Variants in DOCK3 observed in about 807,000 individuals in gnomAD.
DOCK3 encodes dedicator of cytokinesis protein 3.
DOCK3 carries 60 observed loss-of-function variants against 265.6 expected under a neutral mutation model. The ratio of observed to expected loss-of-function variants is 0.23; its 90% CI spans 0.18 to 0.28. DOCK3 has a LOEUF of 0.28. DOCK3 is among the 10% of genes least tolerant of loss of function. DOCK3 has a pLI of 1.00. For synonymous variants in DOCK3, 881 were observed against 938.0 expected, an observed-to-expected ratio of 0.94 and a Z score of 1.11; for missense variants, 1,981 against 2,594.3, an observed-to-expected ratio of 0.76 and a Z score of 5.14.
chr3:51,006,690 T>C (rs1317935240), intron 5 of DOCK3, among the ~76,000 whole-genome samples: 1 of 152,186 alleles, frequency 6.6e-6, no homozygotes, highest in South Asian at 2.1e-4. Context: ...TTGTTACATA[T>C]GTATACATGT....
intron 5 of DOCK3, among the ~76,000 whole-genome samples, chr3:51,024,679 CT>C (rs1468925537): frequency 6.6e-6 from 1 of 152,166 alleles, no homozygotes; most frequent in African/African-American, 2.4e-5. Context: ...GTGATTCTGC[CT>C]TTTGTGCAAG....
At chr3:50,911,769 T>C (rs1259509788) in intron 4 of DOCK3, among the ~76,000 whole-genome samples, 1 of 152,094 alleles carries the variant, frequency 6.6e-6, no homozygotes, top group African/African-American at 2.4e-5. Flanking sequence ...TTTGGTAGTT[T>C]GGTCATTTTC....
chr3:51,314,547 T>A (rs2083262651), intron 31 of DOCK3, among the ~76,000 whole-genome samples: 1 of 152,214 alleles, frequency 6.6e-6, no homozygotes, highest in Non-Finnish European at 1.5e-5. Context: ...CACTTAAATG[T>A]CTCTGGGCTA....
chr3:51,276,688 T>C (rs758656221), intron 25 of DOCK3, among the ~76,000 whole-genome samples: 1 of 152,122 alleles, frequency 6.6e-6, no homozygotes, highest in Non-Finnish European at 1.5e-5. Context: ...AGAGATATTA[T>C]CTCTCGTTCA....
At chr3:51,039,833 A>G (rs2080409587) in intron 5 of DOCK3, among the ~76,000 whole-genome samples, 2 of 149,256 alleles carry the variant, frequency 1.3e-5, no homozygotes, top group South Asian at 4.2e-4. Flanking sequence ...AATTCTGAAT[A>G]GAAATGTAAT....
chr3:51,165,629 C>A (rs1323669693), intron 12 of DOCK3, among the ~76,000 whole-genome samples: 1 of 152,118 alleles, frequency 6.6e-6, no homozygotes. Context: ...CTGGCAACCA[C>A]CGTTCTACTC....
chr3:51,051,641 G>C (rs1454792510), intron 5 of DOCK3, among the ~76,000 whole-genome samples: 3 of 152,174 alleles, frequency 2.0e-5, no homozygotes, highest in Non-Finnish European at 1.5e-5. Flanking sequence ...TGACTCTAAA[G>C]CCAATACCCT....
chr3:50,868,149 C>CT, intron 3 of DOCK3, among the ~76,000 whole-genome samples: 1 of 151,792 alleles, frequency 6.6e-6, no homozygotes, highest in Non-Finnish European at 1.5e-5. Context: ...TCTTGGCTCA[C>CT]TACAACCTCC....
chr3:50,878,236 A>G (rs2047815572), intron 3 of DOCK3, among the ~76,000 whole-genome samples: 1 of 152,230 alleles, frequency 6.6e-6, no homozygotes, highest in South Asian at 2.1e-4. Context: ...AGAGGAATGC[A>G]GCTCCTCGCC....
intron 23 of DOCK3, among the ~76,000 whole-genome samples, chr3:51,267,086 A>G (rs2080219610): frequency 6.6e-6 from 1 of 152,238 alleles, no homozygotes; most frequent in Admixed American, 6.5e-5. Flanking sequence ...ATCACTGGTC[A>G]TTAGAGAAAT....
intron 12 of DOCK3, among the ~76,000 whole-genome samples, chr3:51,190,784 G>C (rs1392745893): frequency 1.3e-5 from 2 of 152,108 alleles, no homozygotes; most frequent in Non-Finnish European, 1.5e-5. Flanking sequence ...TACCAGGGTG[G>C]GTGGAGGGAC....
intron 23 of DOCK3, 136 bp downstream of exon 23, chr3:51,260,462 T>TA: frequency 9.3e-7 from 1 of 1,074,584 alleles, no homozygotes; most frequent in Non-Finnish European, 1.3e-6. Context: ...TACAAGGAAA[T>TA]ACCTGATACA....
intron 5 of DOCK3, among the ~76,000 whole-genome samples, chr3:50,997,080 A>G (rs369543594): frequency 4.8e-4 from 73 of 152,280 alleles, no homozygotes; most frequent in African/African-American, 1.7e-3. Flanking sequence ...TTTTGTGTTT[A>G]TAATTCAGCC....
chr3:51,227,165 A>T, intron 15 of DOCK3, 118 bp from the exon 16 acceptor site: 1 of 1,126,798 alleles, frequency 8.9e-7, no homozygotes, highest in South Asian at 1.5e-5. Context: ...TATCTCATAG[A>T]TTTTGCTTAG....
chr3:51,036,227 G>T (rs534237583), intron 5 of DOCK3, among the ~76,000 whole-genome samples: 2 of 152,102 alleles, frequency 1.3e-5, no homozygotes, highest in East Asian at 1.9e-4. Context: ...TTTATAGGAG[G>T]ATCAATTTGC....
chr3:50,795,628 C>A (rs1022493356), intron 2 of DOCK3, among the ~76,000 whole-genome samples: 1 of 152,078 alleles, frequency 6.6e-6, no homozygotes, highest in Non-Finnish European at 1.5e-5. Context: ...GATCTGCCTG[C>A]CTTGGCCTCT....
intron 5 of DOCK3, among the ~76,000 whole-genome samples, chr3:51,031,584 G>A (rs916149004): frequency 5.9e-5 from 9 of 152,138 alleles, no homozygotes; most frequent in African/African-American, 2.2e-4. Flanking sequence ...GAAAGAACCA[G>A]CAATAATGTT....
rs3074621 is a variant in DOCK3 at position 51,326,059 on chromosome 3, TAAA to T, written c.3403-4068_3403-4066del. Among the ~76,000 whole-genome samples, 23 of 146,390 alleles carry T rather than the reference TAAA, an allele frequency of 1.6e-4. No homozygotes were observed. The East Asian group carries it at 2.4e-3, about 15-fold the overall frequency. ...ACATGTACCCCAGAACCTAAAGTAT[TAAA>T]AAAAAAAAAAGGCCAAAAAAATGAA... On this transcript the variant is annotated intron_variant, in intron 32 of 52. Transcript: ENST00000266037.
chr3:50,886,208 A>ATATATATATATATATATATATATG lies in DOCK3; in HGVS notation c.163-3817_163-3816insATATATATATATATATATATATGT, dbSNP rs1399056611. Among the ~76,000 whole-genome samples, 43 of 136,892 alleles carry ATATATATATATATATATATATATG rather than the reference A, an allele frequency of 3.1e-4. 1 individual carries two copies. The highest frequency in any genetic ancestry group is 9.7e-4 in the Admixed American group (13 of 13,444). The allele number at this position is 136,892 out of a possible 152,430, so 89.8% of individuals were successfully genotyped here. A position where few individuals can be genotyped will look rare whatever the true frequency, so the allele number is the denominator to read the frequency against. On this transcript the variant is annotated intron_variant, in intron 3 of 52. Coordinates refer to ENST00000266037, the MANE Select transcript of DOCK3 (RefSeq NM_004947.5). ...TGGAGATATATATATATATATATAT[A>ATATATATATATATATATATATATG]TTCCAGAGTTTTTAGGTATGCACTA...
Sources: allele counts gnomAD v4.1 joint callset (sites outside exome capture counted in the v4.1 genomes callset), GRCh38; gene constraint gnomAD v4.1.1; transcripts MANE v1.5; gene names NCBI Gene and HGNC (gene_info 2026-07-23, HGNC 2026-07-21).